RAB27A: variants seen among roughly 807,000 people sequenced by gnomAD.
The protein encoded by RAB27A is ras-related protein Rab-27A.
RAB27A carries 17 observed loss-of-function variants against 20.8 expected under a neutral mutation model. The ratio of observed to expected loss-of-function variants is 0.82; its 90% CI spans 0.56 to 1.23. RAB27A has a LOEUF of 1.23. RAB27A is among the 50% of genes most tolerant of loss of function. The pLI is 0.00. For synonymous variants in RAB27A, 85 were observed against 92.8 expected, an observed-to-expected ratio of 0.92 and a Z score of 0.48; for missense variants, 277 against 266.7, an observed-to-expected ratio of 1.04 and a Z score of -0.27.
At chr15:55,213,019 G>C (rs1355740995) in intron 6 of RAB27A, among the ~76,000 whole-genome samples, 2 of 152,190 alleles carry the variant, frequency 1.3e-5, no homozygotes, top group Non-Finnish European at 2.9e-5. Context: ...TTAATCAAGT[G>C]ACAAATTCAC....
At chr15:55,270,633 T>G (rs969664651) in intron 1 of RAB27A, 1 of 152,214 alleles carries the variant, frequency 6.6e-6, no homozygotes, top group Non-Finnish European at 1.5e-5. Context: ...GAAAGTGCCT[T>G]GTATTCTCAA....
At chr15:55,206,726 G>C (rs1261502176) in intron 6 of RAB27A, among the ~76,000 whole-genome samples, 1 of 152,096 alleles carries the variant, frequency 6.6e-6, no homozygotes, top group Non-Finnish European at 1.5e-5. Flanking sequence ...AAAACTTTTA[G>C]AAGAACATAC....
At chr15:55,246,215 G>C (rs1009551600) in intron 2 of RAB27A, among the ~76,000 whole-genome samples, 10 of 151,842 alleles carry the variant, frequency 6.6e-5, no homozygotes, top group Non-Finnish European at 1.3e-4. Context: ...GAAAGACCAG[G>C]ATGAAGAAAA....
At chr15:55,219,719 C>T (rs1283393649) in intron 6 of RAB27A, among the ~76,000 whole-genome samples, 1 of 152,204 alleles carries the variant, frequency 6.6e-6, no homozygotes, top group African/African-American at 2.4e-5. Flanking sequence ...TTTCAGTAAC[C>T]ATGTGAACTG....
At chr15:55,272,147 A>G (rs1216332672) in intron 1 of RAB27A, among the ~76,000 whole-genome samples, 1 of 152,168 alleles carries the variant, frequency 6.6e-6, no homozygotes, top group East Asian at 1.9e-4. Flanking sequence ...TCTCCTAGGG[A>G]TCTTTCAAAA....
At chr15:55,205,990 C>T (rs1347010426) in intron 6 of RAB27A, among the ~76,000 whole-genome samples, 2 of 151,946 alleles carry the variant, frequency 1.3e-5, no homozygotes, top group Non-Finnish European at 2.9e-5. Flanking sequence ...GTGGGCAGAT[C>T]ACCTGAGGTC....
At chr15:55,298,867 G>A (rs2054960269) in intron 2 of RAB27A, among the ~76,000 whole-genome samples, 1 of 152,220 alleles carries the variant, frequency 6.6e-6, no homozygotes, top group South Asian at 2.1e-4. Flanking sequence ...TGAAAGAAGA[G>A]AAATATGGCT....
rs746081723 is a variant in RAB27A, at chr15:55,205,700, G to C, written c.473C>G (p.Pro158Arg). Residue 158 changes from proline (P) to arginine (R), a missense_variant, in exon 7 of 7, where the codon CCC becomes CGC. Coordinates refer to ENST00000336787, the MANE Select transcript of RAB27A (RefSeq NM_183235.3). ...ATTGGCAGCACTAGTTTCAAAGTAG[G>C]GGATTCTGGAAGACAGAGACAACTG... ...AIALAEKYGIPYFETSAANGT... is the reference protein window; with the variant it reads ...AIALAEKYGIRYFETSAANGT... The C allele has an allele frequency of 5.0e-6, 8 of 1,613,364 alleles. No homozygotes were observed. In the South Asian group the frequency reaches 5.5e-5, roughly 11 times the overall value.
At chr15:55,284,845 A>C (rs1898106159) in intron 1 of RAB27A, among the ~76,000 whole-genome samples, 2 of 152,218 alleles carry the variant, frequency 1.3e-5, no homozygotes, top group African/African-American at 4.8e-5. Context: ...TTAACTATAA[A>C]AGACTAGAGT....
intron 2 of RAB27A, among the ~76,000 whole-genome samples, chr15:55,303,980 G>C (rs919478232): frequency 2.0e-5 from 3 of 149,524 alleles, no homozygotes; most frequent in Admixed American, 6.6e-5. Flanking sequence ...AGCTCATTGA[G>C]AACAGGCCAG....
intron 3 of RAB27A, among the ~76,000 whole-genome samples, chr15:55,233,695 T>A (rs1821578894): frequency 6.6e-6 from 1 of 152,156 alleles, no homozygotes; most frequent in Admixed American, 6.6e-5. Context: ...AGGTTTCTTT[T>A]TAAAGTGATG....
intron 2 of RAB27A, among the ~76,000 whole-genome samples, chr15:55,241,993 C>G (rs1190772692): frequency 6.7e-6 from 1 of 149,806 alleles, no homozygotes; most frequent in Non-Finnish European, 1.5e-5. Flanking sequence ...ATTTCTCCCT[C>G]TCTCTCTCTC....
intron 1 of RAB27A, among the ~76,000 whole-genome samples, chr15:55,285,960 G>T (rs1898140881): frequency 6.6e-6 from 1 of 152,160 alleles, no homozygotes; most frequent in African/African-American, 2.4e-5. Flanking sequence ...CTACTTATTT[G>T]ACCTTTCCCT....
intron 1 of RAB27A, among the ~76,000 whole-genome samples, chr15:55,284,098 T>C (rs1342204566): frequency 3.3e-5 from 5 of 152,184 alleles, no homozygotes; most frequent in Admixed American, 2.6e-4. Context: ...AAAACAAGAT[T>C]AGTGGTTCTG....
At chr15:55,275,934 A>AAAC (rs1334378351) in intron 1 of RAB27A, among the ~76,000 whole-genome samples, 19 of 150,748 alleles carry the variant, frequency 1.3e-4, no homozygotes, top group Non-Finnish European at 2.8e-4. Context: ...AAAAAAAAAA[A>AAAC]AAAAAACAAG....
intron 6 of RAB27A, among the ~76,000 whole-genome samples, chr15:55,214,242 C>G (rs997873463): frequency 6.6e-6 from 1 of 152,284 alleles, no homozygotes. Flanking sequence ...CGAGACCATC[C>G]TGGCTAACAT....
intron 6 of RAB27A, among the ~76,000 whole-genome samples, chr15:55,217,817 G>A (rs1895384809): frequency 1.3e-5 from 2 of 151,756 alleles, no homozygotes; most frequent in Non-Finnish European, 2.9e-5. Context: ...AAAAAATTCA[G>A]CACTGCTCAT....
At chr15:55,251,685 C>T (rs112818113) in intron 2 of RAB27A, among the ~76,000 whole-genome samples, 7 of 152,216 alleles carry the variant, frequency 4.6e-5, no homozygotes, top group African/African-American at 1.7e-4. Flanking sequence ...TGTGCTGTAT[C>T]AGAAGCCACT....
chr15:55,309,389 G>A (rs936368676), intron 2 of RAB27A, among the ~76,000 whole-genome samples: 1 of 152,224 alleles, frequency 6.6e-6, no homozygotes, highest in Non-Finnish European at 1.5e-5. Context: ...GTCACAGGCA[G>A]CAAGGAAATT....
Sources: allele counts gnomAD v4.1 joint callset (sites outside exome capture counted in the v4.1 genomes callset), GRCh38; gene constraint gnomAD v4.1.1; transcripts MANE v1.5; gene names NCBI Gene and HGNC (gene_info 2026-07-23, HGNC 2026-07-21).